Variants in DGLUCY observed in about 807,000 individuals in gnomAD.
DGLUCY encodes the protein D-glutamate cyclase.
A neutral mutation model predicts 58.5 loss-of-function variants in DGLUCY; 58 were observed. The ratio of observed to expected loss-of-function variants is 0.99; its 90% CI spans 0.80 to 1.23. The LOEUF (loss-of-function observed/expected upper bound fraction) is 1.23, where lower values mean the gene tolerates loss of function less well. DGLUCY is among the 50% of genes most tolerant of loss of function. DGLUCY has a pLI of 0.00. For missense variants in DGLUCY, 779 were observed against 784.7 expected (o/e 0.99, Z 0.09); for synonymous variants, 325 against 314.1 (o/e 1.03, Z -0.37).
chr14:91,068,713 C>G (rs2043867916), intron 1 of DGLUCY, among the ~76,000 whole-genome samples: 1 of 152,142 alleles, frequency 6.6e-6, no homozygotes, highest in Non-Finnish European at 1.5e-5. Context: ...TGGACTCCCT[C>G]TCTCCTCCCT....
intron 1 of DGLUCY, among the ~76,000 whole-genome samples, chr14:91,070,705 AATAAAC>A (rs1413435010): frequency 6.6e-6 from 1 of 152,256 alleles, no homozygotes; most frequent in African/African-American, 2.4e-5. Context: ...AGAACAAAGA[AATAAAC>A]ATAATCATAA....
chr14:91,224,873 C>T lies in DGLUCY; in HGVS notation c.*40C>T. ...TGTGAGCAGAGTCCCTACCAACGGG[C>T]AGGTCTGCATCCGGGGAGAATGCAG... On this transcript the variant is annotated 3_prime_UTR_variant, in exon 14 of 14. Transcript: ENST00000256324. 1 of 1,550,908 alleles carries T rather than the reference C, an allele frequency of 6.4e-7. No homozygotes were observed. The highest frequency in any genetic ancestry group is 8.8e-7 in the Non-Finnish European group (1 of 1,138,576).
chr14:91,068,079 G>GCGCACA (rs375738080), intron 1 of DGLUCY, among the ~76,000 whole-genome samples: 24,116 of 146,304 alleles, frequency 0.16, 2,181 homozygotes, highest in South Asian at 0.23. Context: ...ACACGCGCAC[G>GCGCACA]CACACACACA....
intron 6 of DGLUCY, chr14:91,173,840 A>C (rs2048710413): frequency 6.5e-6 from 1 of 153,336 alleles, no homozygotes; most frequent in Non-Finnish European, 1.5e-5. Flanking sequence ...AGGCTTAATA[A>C]TACATACATA....
At chr14:91,151,140 A>G (rs921408561) in intron 1 of DGLUCY, among the ~76,000 whole-genome samples, 1 of 152,118 alleles carries the variant, frequency 6.6e-6, no homozygotes. Flanking sequence ...AGCATGCATC[A>G]GAATTTCCTT....
At chr14:91,128,487 C>A (rs987301353) in intron 1 of DGLUCY, among the ~76,000 whole-genome samples, 1 of 151,930 alleles carries the variant, frequency 6.6e-6, no homozygotes, top group Non-Finnish European at 1.5e-5. Flanking sequence ...GAGCGAGACT[C>A]TGTCTCAAAC....
At chr14:91,077,992 A>G (rs2044058583) in intron 1 of DGLUCY, among the ~76,000 whole-genome samples, 1 of 152,182 alleles carries the variant, frequency 6.6e-6, no homozygotes, top group Non-Finnish European at 1.5e-5. Flanking sequence ...CTGGTGCAGT[A>G]AACATTAACA....
chr14:91,172,794 G>A (rs1272463951), intron 5 of DGLUCY, among the ~76,000 whole-genome samples: 4 of 152,064 alleles, frequency 2.6e-5, no homozygotes, highest in Non-Finnish European at 5.9e-5. Context: ...CTAGAGGCGC[G>A]TGCCACCATG....
intron 1 of DGLUCY, among the ~76,000 whole-genome samples, chr14:91,127,919 CTTT>C (rs34102336): frequency 3.0e-5 from 4 of 134,142 alleles, no homozygotes; most frequent in South Asian, 2.4e-4. Context: ...AGGCACCTGG[CTTT>C]TTTTTTTTTT....
chr14:91,215,440 G>A lies in DGLUCY; in HGVS notation c.1600G>A (p.Ala534Thr), dbSNP rs115874122. 2.5e-3 allele frequency: 4,114 copies of A among 1,613,794 alleles called. 64 individuals carry two copies. The Admixed American group carries it at 0.037, about 15-fold the overall frequency. ...SNWGGYALAC[A>T]LYILYSCAVH... The stretch of plus-strand genomic sequence containing the variant: ...CTGGGGAGGCTATGCCCTGGCCTGC[G>A]CACTCTACATCCTGTACTCATGTGC... Residue 534 changes from alanine (A) to threonine (T), a missense_variant, in exon 13 of 14, where the codon GCA becomes ACA. Physicochemically the swap from Ala to Thr is moderately conservative, Grantham distance 58. Coordinates refer to ENST00000256324, the MANE Select transcript of DGLUCY (RefSeq NM_001102368.3).
intron 13 of DGLUCY, among the ~76,000 whole-genome samples, chr14:91,220,209 C>T (rs550014511): frequency 2.6e-5 from 4 of 152,354 alleles, no homozygotes; most frequent in South Asian, 2.1e-4. Flanking sequence ...GCCCTGGCTC[C>T]GCCCACTTCA....
At chr14:91,146,526 C>T (rs535401381) in intron 1 of DGLUCY, among the ~76,000 whole-genome samples, 90 of 152,282 alleles carry the variant, frequency 5.9e-4, no homozygotes, top group African/African-American at 2.0e-3. Context: ...TATGGGGCTC[C>T]GAGCAAGCCC....
rs559493983 is a variant in DGLUCY, at chr14:91,222,927, T to C, written c.1717-1757T>C. 1.3e-3 allele frequency among the ~76,000 whole-genome samples: 199 copies of C among 152,376 alleles called. 1 individual carries two copies. Among genetic ancestry groups the C allele is most frequent in the African/African-American group, 4.7e-3 (195 of 41,584 alleles). ...CCTGGCTTACAGATGGCCGCCTTCTTGCTGAGTCCGCATGTGGTGGAGAGA... is the reference window on the plus strand; with the variant it reads ...CCTGGCTTACAGATGGCCGCCTTCTCGCTGAGTCCGCATGTGGTGGAGAGA... On this transcript the variant is annotated intron_variant, in intron 13 of 13. Transcript: ENST00000256324.
At chr14:91,076,593 G>A (rs1349619640) in intron 1 of DGLUCY, among the ~76,000 whole-genome samples, 1 of 152,266 alleles carries the variant, frequency 6.6e-6, no homozygotes, top group East Asian at 1.9e-4. Context: ...CCCGGTGGAG[G>A]TGGAAAAGGG....
In DGLUCY at chr14:91,188,911, G is replaced by C; in HGVS notation, c.936G>C (p.Gly312=). 1 of 1,612,534 alleles carries C rather than the reference G, an allele frequency of 6.2e-7. No homozygotes were observed. Among genetic ancestry groups the C allele is most frequent in the Non-Finnish European group, 8.5e-7 (1 of 1,179,334 alleles). The part of the protein sequence containing the change: ...ELESMIGIDP[G]NRGIGHLLCK... ...TACATTCTATTTTTGTCATTTCAGG[G>C]AACCGGGGGATTGGGCACCTGCTCT... The change falls in exon 9 of 14, where the codon GGG becomes GGC. Residue 312 remains glycine (G), a splice_region_variant and synonymous_variant. Transcript: ENST00000256324.
At chr14:91,098,110 A>G (rs971050469) in intron 1 of DGLUCY, among the ~76,000 whole-genome samples, 1 of 152,200 alleles carries the variant, frequency 6.6e-6, no homozygotes, top group African/African-American at 2.4e-5. Context: ...TACCATATAG[A>G]TGTAAAGGAC....
intron 1 of DGLUCY, among the ~76,000 whole-genome samples, chr14:91,085,951 T>C (rs2044209782): frequency 6.6e-6 from 1 of 152,202 alleles, no homozygotes; most frequent in Non-Finnish European, 1.5e-5. Flanking sequence ...TCTTAGGAAC[T>C]GGGCTGCACA....
intron 12 of DGLUCY, among the ~76,000 whole-genome samples, chr14:91,205,797 C>CTTCTTCTTCTTCTTCTT (rs1884530763): frequency 9.0e-5 from 6 of 66,330 alleles, no homozygotes; most frequent in African/African-American, 2.3e-4. Flanking sequence ...TTCTTCTTCT[C>CTTCTTCTTCTTCTTCTT]CGTCTCCTTC....
At chr14:91,122,835 C>T (rs185585557) in intron 1 of DGLUCY, among the ~76,000 whole-genome samples, 2 of 152,130 alleles carry the variant, frequency 1.3e-5, no homozygotes, top group Non-Finnish European at 2.9e-5. Flanking sequence ...TCTCAAACTC[C>T]TGACCTTGTG....
Sources: gnomAD v4.1 joint callset for allele counts (sites outside exome capture counted in the v4.1 genomes callset) on GRCh38, gnomAD v4.1.1 for gene constraint, MANE v1.5 for transcripts, NCBI Gene and HGNC (gene_info 2026-07-23, HGNC 2026-07-21) for gene names.